Variants in SGCZ observed in about 807,000 individuals in gnomAD.
The protein encoded by SGCZ is zeta-sarcoglycan.
SGCZ carries 40 observed loss-of-function variants against 41.3 expected under a neutral mutation model. That is an observed-to-expected ratio of 0.97 (90% confidence interval 0.75 to 1.26). The LOEUF (loss-of-function observed/expected upper bound fraction) is 1.26, where lower values mean the gene tolerates loss of function less well. Ranked by LOEUF, SGCZ falls within the 50% of genes most tolerant of loss-of-function variation. The pLI, the probability that SGCZ is intolerant of heterozygous loss-of-function variation, is 0.00. For missense variants in SGCZ, 552 were observed against 369.8 expected (o/e 1.49, Z -4.04); for synonymous variants, 206 against 137.5 (o/e 1.50, Z -3.49).
chr8:15,099,143 A>T (rs1490545447), intron 1 of SGCZ, among the ~76,000 whole-genome samples: 2 of 152,232 alleles, frequency 1.3e-5, no homozygotes, highest in African/African-American at 4.8e-5. Flanking sequence ...TGTGTAGAGA[A>T]AACACATCTC....
intron 1 of SGCZ, among the ~76,000 whole-genome samples, chr8:14,578,544 A>G (rs1804787480): frequency 6.6e-6 from 1 of 152,230 alleles, no homozygotes; most frequent in Non-Finnish European, 1.5e-5. Flanking sequence ...CCCACTCAAA[A>G]GAAGTTTGGG....
At chr8:15,037,825 A>G (rs1160441466) in intron 1 of SGCZ, among the ~76,000 whole-genome samples, 1 of 152,208 alleles carries the variant, frequency 6.6e-6, no homozygotes, top group African/African-American at 2.4e-5. Flanking sequence ...GTGATTCTAT[A>G]CACTGACATA....
chr8:15,227,929 C>G (rs537361264), intron 1 of SGCZ, among the ~76,000 whole-genome samples: 1 of 152,246 alleles, frequency 6.6e-6, no homozygotes, highest in African/African-American at 2.4e-5. Flanking sequence ...CAATATACAG[C>G]ACTATTTAAT....
intron 4 of SGCZ, among the ~76,000 whole-genome samples, chr8:14,215,085 A>G (rs4831552): frequency 0.99 from 151,444 of 152,232 alleles, 75,336 homozygotes; most frequent in East Asian, 1. Flanking sequence ...AAGTGACCAT[A>G]GAACCTTCAT....
At chr8:14,867,716 A>T (rs904368216) in intron 1 of SGCZ, among the ~76,000 whole-genome samples, 1 of 152,062 alleles carries the variant, frequency 6.6e-6, no homozygotes, top group African/African-American at 2.4e-5. Flanking sequence ...GAGCTAAGTG[A>T]TGTGAACACA....
At chr8:14,584,781 C>T (rs902276803) in intron 1 of SGCZ, among the ~76,000 whole-genome samples, 3 of 151,796 alleles carry the variant, frequency 2.0e-5, no homozygotes, top group South Asian at 2.1e-4. Context: ...ACACATTTTC[C>T]GTGATAGGAA....
At chr8:14,146,440 G>C (rs1388947152) in intron 5 of SGCZ, among the ~76,000 whole-genome samples, 1 of 152,034 alleles carries the variant, frequency 6.6e-6, no homozygotes, top group African/African-American at 2.4e-5. Flanking sequence ...AAATGCTAAA[G>C]GAATTATTTT....
At chr8:15,117,168 G>A (rs1053340900) in intron 1 of SGCZ, among the ~76,000 whole-genome samples, 2 of 152,096 alleles carry the variant, frequency 1.3e-5, no homozygotes, top group African/African-American at 2.4e-5. Context: ...TCAGGAGATC[G>A]AGACCACGGT....
chr8:14,886,280 T>C (rs1804801983), intron 1 of SGCZ, among the ~76,000 whole-genome samples: 1 of 151,860 alleles, frequency 6.6e-6, no homozygotes, highest in African/African-American at 2.4e-5. Context: ...AGAGATAGCA[T>C]AGAATAAACT....
chr8:14,271,935 T>A, intron 3 of SGCZ, among the ~76,000 whole-genome samples: 1 of 152,270 alleles, frequency 6.6e-6, no homozygotes, highest in East Asian at 1.9e-4. Context: ...AATATGGTGA[T>A]GACCTAATTC....
At chr8:14,308,028 T>A (rs929407566) in intron 3 of SGCZ, among the ~76,000 whole-genome samples, 27 of 152,018 alleles carry the variant, frequency 1.8e-4, no homozygotes, top group African/African-American at 6.5e-4. Context: ...GGAAAGAACT[T>A]TCATACGATT....
chr8:14,547,894 AT>A (rs151268429), intron 2 of SGCZ, among the ~76,000 whole-genome samples: 237 of 152,282 alleles, frequency 1.6e-3, no homozygotes, highest in African/African-American at 5.5e-3. Flanking sequence ...TCACTTATTT[AT>A]TTGTTAATGC....
At chr8:14,257,958 T>A (rs978498910) in intron 3 of SGCZ, among the ~76,000 whole-genome samples, 1 of 152,180 alleles carries the variant, frequency 6.6e-6, no homozygotes, top group Non-Finnish European at 1.5e-5. Flanking sequence ...GATCAATAAA[T>A]GAACAATTTG....
chr8:14,759,438 TA>T (rs1451881274), intron 1 of SGCZ, among the ~76,000 whole-genome samples: 3 of 152,220 alleles, frequency 2.0e-5, no homozygotes, highest in Non-Finnish European at 2.9e-5. Flanking sequence ...CTCAAAAACT[TA>T]ACCACAACAC....
At chr8:15,173,310 G>A (rs556261676) in intron 1 of SGCZ, among the ~76,000 whole-genome samples, 23 of 152,046 alleles carry the variant, frequency 1.5e-4, no homozygotes, top group African/African-American at 5.3e-4. Flanking sequence ...ATTTTTCATC[G>A]TGCAATTTTG....
intron 1 of SGCZ, among the ~76,000 whole-genome samples, chr8:14,803,393 G>A (rs1801396382): frequency 6.6e-6 from 1 of 152,130 alleles, no homozygotes; most frequent in Admixed American, 6.5e-5. Flanking sequence ...AGCCGAAGCA[G>A]GGTGAGGCAT....
At chr8:14,346,472 T>G (rs1039724777) in intron 2 of SGCZ, among the ~76,000 whole-genome samples, 1 of 152,062 alleles carries the variant, frequency 6.6e-6, no homozygotes, top group Non-Finnish European at 1.5e-5. Flanking sequence ...ATATAAATGC[T>G]AATTAGGATA....
intron 1 of SGCZ, among the ~76,000 whole-genome samples, chr8:14,720,924 AT>A (rs1189382793): frequency 2.0e-4 from 30 of 150,462 alleles, no homozygotes; most frequent in South Asian, 8.5e-4. Flanking sequence ...TTTTTTTTTA[AT>A]TTTTTTTATG....
chr8:14,984,982 A>G (rs1333985955), intron 1 of SGCZ, among the ~76,000 whole-genome samples: 2 of 152,076 alleles, frequency 1.3e-5, no homozygotes, highest in African/African-American at 2.4e-5. Flanking sequence ...AACAGTAATA[A>G]TCCTTGTTTT....
Sources: allele counts gnomAD v4.1 joint callset (sites outside exome capture counted in the v4.1 genomes callset), GRCh38; gene constraint gnomAD v4.1.1; transcripts MANE v1.5; gene names NCBI Gene and HGNC (gene_info 2026-07-23, HGNC 2026-07-21).